Variants in BANP observed in about 807,000 individuals in gnomAD.
BANP encodes protein BANP.
BANP carries 11 observed loss-of-function variants against 68.1 expected under a neutral mutation model. The observed-to-expected ratio is 0.16, with a 90% CI of 0.10 to 0.27. The LOEUF (loss-of-function observed/expected upper bound fraction) is 0.27. BANP is among the 10% of genes least tolerant of loss of function. The pLI is 1.00. For synonymous variants in BANP, 329 were observed against 303.2 expected (o/e 1.09, Z -0.88); for missense variants, 504 against 722.7 (o/e 0.70, Z 3.47).
chr16:87,969,534 CT>C (rs71156276), intron 1 of BANP, among the ~76,000 whole-genome samples: 89 of 138,972 alleles, frequency 6.4e-4, no homozygotes, highest in Middle Eastern at 7.3e-3. Flanking sequence ...TCGAGATTGA[CT>C]TTTTTTTTTT....
chr16:87,975,820 A>C (rs1175982418), intron 2 of BANP, among the ~76,000 whole-genome samples: 1 of 85,274 alleles, frequency 1.2e-5, no homozygotes, highest in Non-Finnish European at 3.1e-5. Context: ...GCGTCATGGA[A>C]CCTTATCATG....
At chr16:87,965,565 C>T (rs1407265474) in intron 1 of BANP, among the ~76,000 whole-genome samples, 2 of 124,974 alleles carry the variant, frequency 1.6e-5, no homozygotes, top group African/African-American at 3.0e-5. Flanking sequence ...CCACTAAGCC[C>T]GAGGCGCAGA....
intron 3 of BANP, among the ~76,000 whole-genome samples, chr16:87,983,126 G>A (rs1407629002): frequency 1.3e-5 from 2 of 152,150 alleles, no homozygotes; most frequent in Non-Finnish European, 2.9e-5. Flanking sequence ...TTAGGTCATG[G>A]GCAGGAAAGG....
intron 6 of BANP, among the ~76,000 whole-genome samples, chr16:88,010,261 T>G (rs559721749): frequency 8.9e-4 from 135 of 152,358 alleles, no homozygotes; most frequent in Non-Finnish European, 6.9e-4. Context: ...TAATCAAGAG[T>G]TTAAATTTCT....
chr16:88,009,596 T>C (rs935120004), intron 6 of BANP, among the ~76,000 whole-genome samples: 6 of 152,256 alleles, frequency 3.9e-5, no homozygotes, highest in Admixed American at 1.3e-4. Context: ...ATGGTAACTC[T>C]CAGCTATTGA....
chr16:88,053,466 C>G (rs2083896327), intron 11 of BANP, among the ~76,000 whole-genome samples: 1 of 150,340 alleles, frequency 6.7e-6, no homozygotes, highest in African/African-American at 2.5e-5. Context: ...TCATCATCAC[C>G]AACACAACCA....
At position 88,036,657 on chromosome 16, in the gene BANP, A is replaced by C. The variant is rs1383667903; in HGVS notation, c.1272+1263A>C. Among the ~76,000 whole-genome samples the C allele has an allele frequency of 6.6e-6, 1 of 152,110 alleles. No homozygotes were observed. The highest frequency in any genetic ancestry group is 2.4e-5 in the African/African-American group (1 of 41,408). On this transcript the variant is annotated intron_variant, in intron 10 of 13. Transcript: ENST00000682872. The surrounding 1 kb of genome is among the most constrained non-coding windows in gnomAD (Gnocchi z 4.2). ...GAGGTGAAAGGGGAGGAACGAATTCATGTGGGGGCCGTGAGCGACTGGGAA... is the reference window on the plus strand; with the variant it reads ...GAGGTGAAAGGGGAGGAACGAATTCCTGTGGGGGCCGTGAGCGACTGGGAA...
chr16:87,966,097 C>T (rs1339077275), intron 1 of BANP, among the ~76,000 whole-genome samples: 1 of 152,252 alleles, frequency 6.6e-6, no homozygotes, highest in Admixed American at 6.5e-5. Flanking sequence ...TGTATGCCTT[C>T]CTTTTGCTAT....
At chr16:87,969,070 C>G (rs947107820) in intron 1 of BANP, among the ~76,000 whole-genome samples, 5 of 152,174 alleles carry the variant, frequency 3.3e-5, no homozygotes, top group Non-Finnish European at 5.9e-5. Context: ...CTGCCCTCGT[C>G]CACACTGCCC....
intron 4 of BANP, among the ~76,000 whole-genome samples, chr16:87,990,632 C>G (rs7186583): frequency 0.65 from 98,134 of 152,066 alleles, 32,139 homozygotes; most frequent in African/African-American, 0.72. Flanking sequence ...TTTGGTCTCA[C>G]CTAAGATGGT....
chr16:87,993,413 G>A (rs546199597), intron 4 of BANP, among the ~76,000 whole-genome samples: 24 of 152,234 alleles, frequency 1.6e-4, no homozygotes, highest in African/African-American at 5.8e-4. Context: ...TCACTCATCC[G>A]TTTCCATCAG....
At chr16:87,968,296 C>G (rs1346287507) in intron 1 of BANP, among the ~76,000 whole-genome samples, 5 of 151,490 alleles carry the variant, frequency 3.3e-5, no homozygotes, top group East Asian at 2.0e-4. Context: ...CCAGCCTGAC[C>G]CAACATGGTG....
At position 88,034,817 on chromosome 16, in the gene BANP, C is replaced by T. The variant is rs896659144; in HGVS notation, c.1201-506C>T. 2.0e-5 allele frequency among the ~76,000 whole-genome samples: 3 copies of T among 152,216 alleles called. No homozygotes were observed. The East Asian group carries it at 5.8e-4, about 29-fold the overall frequency. On this transcript the variant is annotated intron_variant, in intron 9 of 13. Transcript: ENST00000682872. ...ATGTTCTGTGTTACACAGCAGCCCC[C>T]CCTTACCCATGCTTCCACTTTCCCA...
chr16:88,020,495 C>T (rs935873898), intron 7 of BANP, among the ~76,000 whole-genome samples: 1 of 152,248 alleles, frequency 6.6e-6, no homozygotes, highest in African/African-American at 2.4e-5. Flanking sequence ...AGAAATGGCC[C>T]TGATGGCAGA....
chr16:88,004,482 C>A lies in BANP; in HGVS notation c.479+71C>A. 1 of 889,552 alleles carries A rather than the reference C, an allele frequency of 1.1e-6. No individual in the cohort carries two copies. The highest frequency in any genetic ancestry group is 1.7e-6 in the Non-Finnish European group (1 of 578,124). The allele number at this position is 889,552 out of a possible 1,614,324, so 55.1% of individuals were successfully genotyped here. On this transcript the variant is annotated intron_variant, in intron 5 of 13. Coordinates refer to ENST00000682872, the MANE Select transcript of BANP (RefSeq NM_001386991.1). The surrounding 1 kb of genome is among the most constrained non-coding windows in gnomAD (Gnocchi z 7.0). ...AGTCCCATGAGAATAAGTCAACGTC[C>A]CTAAGCCAGGGCACAGTCCAGCACA...
At chr16:88,076,404 C>T (rs755880764) in intron 13 of BANP, among the ~76,000 whole-genome samples, 186 bp from the exon 14 acceptor site, 46 of 152,272 alleles carry the variant, frequency 3.0e-4, no homozygotes, top group Non-Finnish European at 5.7e-4. Flanking sequence ...GTCGTGGGCG[C>T]GTCGTTCCGC....
rs138252049 is a variant in BANP at position 88,037,994 on chromosome 16, G to C, written c.1294G>C (p.Val432Leu). ...GTAGGGCAACCTCCAGATCCATCACGTGGGGCAGGACGGTCAGGTGAGTGT... is the reference window on the plus strand; with the variant it reads ...GTAGGGCAACCTCCAGATCCATCACCTGGGGCAGGACGGTCAGGTGAGTGT... Reference protein sequence around the residue: ...DSEGNLQIHHVGQDGQLLEAT... With the variant: ...DSEGNLQIHHLGQDGQLLEAT... The change falls in exon 11 of 14, where the codon GTG becomes CTG. Residue 432 changes from valine to leucine, a missense_variant. Physicochemically the swap from Val to Leu is conservative, Grantham distance 32. Transcript: ENST00000682872. 2 of 1,613,888 alleles carry C rather than the reference G, an allele frequency of 1.2e-6. No homozygotes were observed. The highest frequency in any genetic ancestry group is 1.7e-6 in the Non-Finnish European group (2 of 1,179,826).
Position 87,964,841 on chromosome 16 carries a change from T to C in BANP, c.-68-10207T>C, listed in dbSNP as rs115120871. ...GGTTTTGGCCTGAGCATCTGGGAAGTAGGTGTTGCCTTAAATTGAGGTGGA... is the reference window on the plus strand; with the variant it reads ...GGTTTTGGCCTGAGCATCTGGGAAGCAGGTGTTGCCTTAAATTGAGGTGGA... On this transcript the variant is annotated intron_variant, in intron 1 of 13. Coordinates refer to ENST00000682872, the MANE Select transcript of BANP (RefSeq NM_001386991.1). Among the ~76,000 whole-genome samples the C allele has an allele frequency of 5.4e-3, 824 of 152,264 alleles. 9 individuals carry two copies. The highest frequency in any genetic ancestry group is 0.018 in the African/African-American group (739 of 41,544).
intron 6 of BANP, among the ~76,000 whole-genome samples, chr16:88,011,299 C>T (rs2073049737): frequency 6.6e-6 from 1 of 152,214 alleles, no homozygotes; most frequent in Non-Finnish European, 1.5e-5. Context: ...CCTCCCCCAC[C>T]CTGAAAGACG....
Sources: gnomAD v4.1 joint callset for allele counts (sites outside exome capture counted in the v4.1 genomes callset) on GRCh38, gnomAD v4.1.1 for gene constraint, Gnocchi (gnomAD v3.1) non-coding constraint, MANE v1.5 for transcripts, NCBI Gene and HGNC (gene_info 2026-07-23, HGNC 2026-07-21) for gene names.